The following PDE6A variants were observed in gnomAD, a reference collection of about 807,000 sequenced individuals.
PDE6A encodes the protein rod cGMP-specific 3',5'-cyclic phosphodiesterase subunit alpha.
PDE6A carries 84 observed loss-of-function variants against 106.3 expected under a neutral mutation model. The ratio of observed to expected loss-of-function variants is 0.79; its 90% confidence interval spans 0.66 to 0.95. The LOEUF is 0.95. PDE6A is among the 40% of genes least tolerant of loss of function. The pLI is 0.00. For missense variants in PDE6A, 1,052 were observed against 1,084.9 expected, an observed-to-expected ratio of 0.97 and a Z score of 0.43; for synonymous variants, 394 against 386.6, an observed-to-expected ratio of 1.02 and a Z score of -0.23.
chr5:149,882,378 A>G (rs895462122), intron 17 of PDE6A, among the ~76,000 whole-genome samples: 5 of 151,822 alleles, frequency 3.3e-5, no homozygotes, highest in Admixed American at 2.6e-4. Flanking sequence ...AAATAACCCA[A>G]TGCTTCCTAG....
At chr5:149,911,248 T>G (rs1036919949) in intron 6 of PDE6A, among the ~76,000 whole-genome samples, 1 of 152,148 alleles carries the variant, frequency 6.6e-6, no homozygotes, top group Non-Finnish European at 1.5e-5. Flanking sequence ...CACACAAAGG[T>G]AGCCTGAAAT....
At chr5:149,932,648 A>G in intron 3 of PDE6A, 1 of 1,613,510 alleles carries the variant, frequency 6.2e-7, no homozygotes, top group Non-Finnish European at 8.5e-7. Context: ...TTTCGTACGA[A>G]TTCGACTAAT....
intron 1 of PDE6A, 86 bp from the exon 2 acceptor site, chr5:149,934,804 A>G (rs2113661626): frequency 7.5e-7 from 1 of 1,335,240 alleles, no homozygotes; most frequent in Non-Finnish European, 1.1e-6. Flanking sequence ...ACAAGGGAAT[A>G]AAGGTGCTTC....
At chr5:149,883,624 C>T in intron 16 of PDE6A, 88 bp from the exon 17 acceptor site, 1 of 886,742 alleles carries the variant, frequency 1.1e-6, no homozygotes. Flanking sequence ...CAGATGGAGC[C>T]TTATTAAATC....
At chr5:149,934,076 C>T in intron 2 of PDE6A, 57 bp from the exon 3 acceptor site, 1 of 931,484 alleles carries the variant, frequency 1.1e-6, no homozygotes, top group Non-Finnish European at 1.8e-6. Context: ...CATCCTCTGG[C>T]TACTTTTACC....
At position 149,863,382 on chromosome 5, in the gene PDE6A, C is replaced by T; in HGVS notation, c.2359-116G>A. On this transcript the variant is annotated intron_variant, in intron 20 of 21. Transcript: ENST00000255266. This position sits in a 1 kb window ranked among gnomAD's most constrained non-coding sequence, Gnocchi z 4.7. ...GAATGAGCTGCTTCGGAGTAGCAGG[C>T]CTCCCGCCACCGTGCTGATACTGCA... 1 of 1,007,544 alleles carries T rather than the reference C, an allele frequency of 9.9e-7. No individual in the cohort carries two copies. Among genetic ancestry groups the T allele is most frequent in the South Asian group, 1.3e-5 (1 of 74,138 alleles). The allele number at this position is 1,007,544 out of a possible 1,614,324, so 62.4% of individuals were successfully genotyped here.
intron 1 of PDE6A, among the ~76,000 whole-genome samples, chr5:149,941,581 C>G (rs1174971524): frequency 6.6e-6 from 1 of 152,194 alleles, no homozygotes; most frequent in Non-Finnish European, 1.5e-5. Flanking sequence ...TGTGCCTCCG[C>G]ATGTAAAGCA....
At chr5:149,924,956 C>T (rs879675750) in intron 4 of PDE6A, among the ~76,000 whole-genome samples, 1 of 152,176 alleles carries the variant, frequency 6.6e-6, no homozygotes, top group African/African-American at 2.4e-5. Context: ...CTGGGATCCT[C>T]ACGCCCCAAG....
intron 13 of PDE6A, among the ~76,000 whole-genome samples, chr5:149,891,571 G>A (rs1371459936): frequency 6.6e-6 from 1 of 152,148 alleles, no homozygotes; most frequent in Non-Finnish European, 1.5e-5. Context: ...GGAGGCCAAG[G>A]CAGGAGGATC....
intron 12 of PDE6A, 43 bp downstream of exon 12, chr5:149,896,313 G>A (rs1752746576): frequency 1.3e-6 from 2 of 1,518,340 alleles, no homozygotes; most frequent in South Asian, 1.1e-5. Flanking sequence ...AAGCAAGAAA[G>A]AAAATTAAAA....
chr5:149,884,786 T>G lies in PDE6A; in HGVS notation c.1920A>C (p.Arg640Ser), dbSNP rs148146669. The stretch of plus-strand genomic sequence containing the variant: ...CCCTTGGCCCTCATCCTACCTCGTC[T>G]CTGAGCAGTGTTTTGCCAAACTCCA... ...HHLEFGKTLL[R>S]DESLNIFQNL... The change falls in exon 15 of 22, where the codon AGA becomes AGC. Residue 640 changes from arginine (R) to serine (S), a missense_variant. Physicochemically the swap from Arg to Ser is moderately radical, Grantham distance 110. Around this residue, in one of 3 missense-constraint regions of PDE6A, gnomAD observed 913 missense variants for 915.2 expected, o/e 1.00. Coordinates refer to ENST00000255266, the MANE Select transcript of PDE6A (RefSeq NM_000440.3). 1 of 1,614,002 alleles carries G rather than the reference T, an allele frequency of 6.2e-7. No homozygotes were observed. Among genetic ancestry groups the G allele is most frequent in the Non-Finnish European group, 8.5e-7 (1 of 1,179,904 alleles).
At chr5:149,886,474 T>A (rs41287088) in intron 13 of PDE6A, 100 bp from the exon 14 acceptor site, 1 of 834,622 alleles carries the variant, frequency 1.2e-6, no homozygotes, top group South Asian at 1.4e-5. Flanking sequence ...ACTAAAAAAC[T>A]CATGGGTCTG....
chr5:149,932,853 G>A (rs112609715), intron 3 of PDE6A, among the ~76,000 whole-genome samples: 1 of 152,078 alleles, frequency 6.6e-6, no homozygotes, highest in African/African-American at 2.4e-5. Context: ...GGTGAGGACC[G>A]CCGCCCTCCG....
At chr5:149,914,916 T>C in intron 6 of PDE6A, 27 bp downstream of exon 6, 1 of 1,523,624 alleles carries the variant, frequency 6.6e-7, no homozygotes, top group Non-Finnish European at 9.1e-7. Context: ...TTTGTTGTCA[T>C]TTTGTCTTTT....
intron 17 of PDE6A, among the ~76,000 whole-genome samples, chr5:149,876,885 C>T (rs997916772): frequency 7.2e-6 from 1 of 139,696 alleles, no homozygotes; most frequent in African/African-American, 3.2e-5. Flanking sequence ...GTAGACTAGA[C>T]AGACAGATGA....
intron 5 of PDE6A, among the ~76,000 whole-genome samples, chr5:149,920,992 A>AAGAAAGAAAGAG (rs376178582): frequency 2.3e-5 from 3 of 133,194 alleles, no homozygotes; most frequent in Non-Finnish European, 4.7e-5. Flanking sequence ...GAAAGAAAGA[A>AAGAAAGAAAGAG]AGAAAAAGAA....
At chr5:149,895,404 AG>A in intron 12 of PDE6A, 114 bp from the exon 13 acceptor site, 1 of 763,228 alleles carries the variant, frequency 1.3e-6, no homozygotes, top group Non-Finnish European at 2.4e-6. Flanking sequence ...TTGAGGTTTG[AG>A]GTACTCTAAC....
At chr5:149,867,633 A>G (rs1215885163) in intron 19 of PDE6A, 92 bp downstream of exon 19, 4 of 1,125,334 alleles carry the variant, frequency 3.6e-6, no homozygotes, top group Non-Finnish European at 5.3e-6. Context: ...TTTATGGTAA[A>G]GTCACACATC....
intron 1 of PDE6A, among the ~76,000 whole-genome samples, chr5:149,937,743 A>G (rs76825112): frequency 1.8e-4 from 28 of 152,236 alleles, no homozygotes; most frequent in Non-Finnish European, 2.6e-4. Context: ...CCCCTTTGCA[A>G]ACATTCACAG....
Sources: allele counts gnomAD v4.1 joint callset (sites outside exome capture counted in the v4.1 genomes callset), GRCh38; gene constraint gnomAD v4.1.1; regional missense constraint gnomAD v4.1.1; non-coding constraint Gnocchi (gnomAD v3.1); transcripts MANE v1.5; gene names NCBI Gene and HGNC (gene_info 2026-07-23, HGNC 2026-07-21).